Variants in PSD3 observed in about 807,000 individuals in gnomAD.
PSD3 encodes PH and SEC7 domain-containing protein 3.
In PSD3, 49 loss-of-function variants were observed where a neutral mutation model predicts 105.5. The observed-to-expected ratio is 0.46, with a 90% CI of 0.37 to 0.59. The LOEUF (loss-of-function observed/expected upper bound fraction) is 0.59, where lower values mean the gene tolerates loss of function less well. Among genes scored for constraint, PSD3 ranks in the 20% least tolerant of loss-of-function variants. The pLI is 0.00. For synonymous variants in PSD3, 557 were observed against 457.8 expected (o/e 1.22, Z -2.77); for missense variants, 1,561 against 1,263.8 (o/e 1.24, Z -3.57).
rs1334251415 is a variant in PSD3 at position 18,531,965 on chromosome 8, C to A, written c.*3778G>T. ...CTGCAAAGCTAAACTTCTGTGAATT[C>A]AGGATGCAACATGCTTAACTGATGA... is the stretch of plus-strand genomic sequence containing the variant. On this transcript the variant is annotated 3_prime_UTR_variant, in exon 16 of 16. Transcript: ENST00000327040. 6.6e-6 allele frequency: 1 copy of A among 152,208 alleles called. No homozygotes were observed. Among genetic ancestry groups the A allele is most frequent in the African/African-American group, 2.4e-5 (1 of 41,452 alleles). 9.4% of individuals were successfully genotyped at this position (152,208 alleles called of 1,614,324 possible).
In PSD3 at chr8:18,816,850, TCAGA is replaced by T. The variant is rs528173026; in HGVS notation, c.1635-11956_1635-11953del. ...GTCCTTGCTTTCAAGGAGTTTACAC[TCAGA>T]CAGTGACATTCATAAGTGCCTTGGA... On this transcript the variant is annotated intron_variant, in intron 4 of 15. Coordinates refer to ENST00000327040, the MANE Select transcript of PSD3 (RefSeq NM_015310.4). Among the ~76,000 whole-genome samples the T allele has an allele frequency of 2.4e-3, 229 of 94,564 alleles. 1 individual carries two copies. The highest frequency in any genetic ancestry group is 7.2e-3 in the African/African-American group (215 of 29,980). 62.0% of individuals were successfully genotyped at this position (94,564 alleles called of 152,430 possible).
intron 1 of PSD3, among the ~76,000 whole-genome samples, chr8:18,975,206 A>C: frequency 6.6e-6 from 1 of 152,352 alleles, no homozygotes; most frequent in East Asian, 1.9e-4. Context: ...CGTTTTCTAC[A>C]TCCCTAATAT....
At chr8:18,766,455 A>C (rs920627790) in intron 8 of PSD3, among the ~76,000 whole-genome samples, 2 of 152,210 alleles carry the variant, frequency 1.3e-5, no homozygotes, top group Non-Finnish European at 2.9e-5. Flanking sequence ...ACTTATACCA[A>C]AAACTTATTA....
intron 9 of PSD3, among the ~76,000 whole-genome samples, chr8:18,718,110 G>C (rs1160740112): frequency 6.6e-6 from 1 of 152,178 alleles, no homozygotes; most frequent in East Asian, 1.9e-4. Context: ...GTGAGCCCTT[G>C]AAGCTCTGAC....
intron 12 of PSD3, among the ~76,000 whole-genome samples, chr8:18,599,819 G>T (rs1424966710): frequency 6.6e-6 from 1 of 152,098 alleles, no homozygotes; most frequent in Non-Finnish European, 1.5e-5. Context: ...GCGTCCTGGA[G>T]CCAATCTGTT....
At chr8:18,984,182 C>T (rs930467197) in intron 1 of PSD3, among the ~76,000 whole-genome samples, 6 of 122,144 alleles carry the variant, frequency 4.9e-5, no homozygotes, top group African/African-American at 1.7e-4. Flanking sequence ...TTGCCACAAC[C>T]CTTCAATTAA....
chr8:18,773,577 T>TA lies in PSD3; in HGVS notation c.2083-8040dup, dbSNP rs146008439. On this transcript the variant is annotated intron_variant, in intron 8 of 15. Coordinates refer to ENST00000327040, the MANE Select transcript of PSD3 (RefSeq NM_015310.4). ...AGATTACTTTGTATAGTATAATATA[T>TA]AAAAAAATTAAGTCTTCCAGTCCAT... Among the ~76,000 whole-genome samples, 1,503 of 152,230 alleles carry TA rather than the reference T, an allele frequency of 9.9e-3. 24 individuals carry two copies. The highest frequency in any genetic ancestry group is 0.031 in the African/African-American group (1,279 of 41,512).
chr8:18,887,293 C>T (rs180856884), intron 2 of PSD3, among the ~76,000 whole-genome samples: 17 of 152,300 alleles, frequency 1.1e-4, no homozygotes, highest in African/African-American at 3.6e-4. Context: ...TATCTCACTG[C>T]TTAGTGATGC....
intron 9 of PSD3, among the ~76,000 whole-genome samples, chr8:18,715,424 C>T (rs1802522324): frequency 1.3e-5 from 2 of 152,152 alleles, no homozygotes; most frequent in Non-Finnish European, 2.9e-5. Flanking sequence ...TCAACACTTT[C>T]AGGAAAGCCA....
intron 4 of PSD3, among the ~76,000 whole-genome samples, chr8:18,812,950 G>C (rs889799896): frequency 6.6e-6 from 1 of 152,140 alleles, no homozygotes; most frequent in African/African-American, 2.4e-5. Context: ...TTGGGTTTTG[G>C]TAAGATCAGT....
intron 4 of PSD3, among the ~76,000 whole-genome samples, chr8:18,820,127 C>T (rs1178657080): frequency 6.7e-6 from 1 of 150,082 alleles, no homozygotes; most frequent in East Asian, 2.0e-4. Flanking sequence ...TTAGAAACTC[C>T]AAGAGAAAGC....
intron 12 of PSD3, among the ~76,000 whole-genome samples, chr8:18,578,321 G>C (rs1802584970): frequency 6.6e-6 from 1 of 152,054 alleles, no homozygotes; most frequent in African/African-American, 2.4e-5. Flanking sequence ...AATAAACATA[G>C]TTGTGCAGAC....
chr8:18,717,774 C>T (rs1256664112), intron 9 of PSD3, among the ~76,000 whole-genome samples: 1 of 152,168 alleles, frequency 6.6e-6, no homozygotes, highest in Non-Finnish European at 1.5e-5. Flanking sequence ...TCCATACAGC[C>T]TGCCTTGTAA....
intron 11 of PSD3, among the ~76,000 whole-genome samples, chr8:18,615,604 T>C (rs556206058): frequency 9.8e-5 from 15 of 152,358 alleles, no homozygotes; most frequent in East Asian, 3.9e-4. Flanking sequence ...GGTGTGAACA[T>C]TGATCAAGAA....
rs1176036089 is a variant in PSD3 at position 18,527,964 on chromosome 8, T to C, written c.*7779A>G. On this transcript the variant is annotated 3_prime_UTR_variant, in exon 16 of 16. Coordinates refer to ENST00000327040, the MANE Select transcript of PSD3 (RefSeq NM_015310.4). ...CTGAAATGATTGGTGGAGAAAACTT[T>C]GAAGGTAAAGAAATGTTCCACAATG... The C allele has an allele frequency of 6.6e-6, 1 of 152,218 alleles. No homozygotes were observed. The highest frequency in any genetic ancestry group is 1.5e-5 in the Non-Finnish European group (1 of 68,026). 9.4% of individuals were successfully genotyped at this position (152,218 alleles called of 1,614,324 possible).
chr8:19,065,097 C>A (rs952032434), intron 1 of PSD3, among the ~76,000 whole-genome samples: 1 of 152,302 alleles, frequency 6.6e-6, no homozygotes, highest in East Asian at 1.9e-4. Context: ...TAAGGAAGTC[C>A]CCTCTGTTTT....
In PSD3 at chr8:18,588,384, A is replaced by G. The variant is rs796341950; in HGVS notation, c.2481+11980T>C. ...GGATCTGTGCAAGGTTTCCAGGAAC[A>G]TATATTAGTTCTGATTTTTTAAAAA... is the stretch of plus-strand genomic sequence containing the variant. On this transcript the variant is annotated intron_variant, in intron 12 of 15. Transcript: ENST00000327040. Among the ~76,000 whole-genome samples the G allele has an allele frequency of 8.5e-5, 13 of 152,322 alleles. 1 individual carries two copies. Among genetic ancestry groups the G allele is most frequent in the African/African-American group, 1.4e-4 (6 of 41,586 alleles).
intron 3 of PSD3, 106 bp from the exon 4 acceptor site, chr8:18,868,175 A>G (rs1415100416): frequency 8.1e-7 from 1 of 1,230,370 alleles, no homozygotes; most frequent in Non-Finnish European, 1.1e-6. Context: ...TAACTCTTCT[A>G]TTCATTGACT....
intron 4 of PSD3, among the ~76,000 whole-genome samples, chr8:18,862,137 G>A (rs1168973338): frequency 6.6e-6 from 1 of 152,104 alleles, no homozygotes; most frequent in Non-Finnish European, 1.5e-5. Context: ...ACATTGTTAG[G>A]CCACTTGACT....
Sources: allele counts gnomAD v4.1 joint callset (sites outside exome capture counted in the v4.1 genomes callset), GRCh38; gene constraint gnomAD v4.1.1; transcripts MANE v1.5; gene names NCBI Gene and HGNC (gene_info 2026-07-23, HGNC 2026-07-21).